The following KCNH3 variants were observed in gnomAD, a reference collection of about 807,000 sequenced individuals.
The protein encoded by KCNH3 is voltage-gated inwardly rectifying potassium channel KCNH3.
KCNH3 carries 36 observed loss-of-function variants against 95.6 expected under a neutral mutation model. The observed-to-expected ratio is 0.38, with a 90% CI of 0.29 to 0.50. The LOEUF (loss-of-function observed/expected upper bound fraction) is 0.50. Ranked by LOEUF, KCNH3 falls within the 20% of genes least tolerant of loss-of-function variation. The probability of loss-of-function intolerance (pLI) is 0.95; values close to 1 mark genes in which losing one functional copy is unlikely to be tolerated. For missense variants in KCNH3, 1,030 were observed against 1,484.1 expected (o/e 0.69, Z 5.03); for synonymous variants, 620 against 646.3 (o/e 0.96, Z 0.62).
At chr12:49,545,803 T>C (rs893094361) in intron 7 of KCNH3, among the ~76,000 whole-genome samples, 1 of 151,936 alleles carries the variant, frequency 6.6e-6, no homozygotes, top group Non-Finnish European at 1.5e-5. Flanking sequence ...GTGAATCCTC[T>C]CTCCCTCTGC....
At position 49,543,497 on chromosome 12, in the gene KCNH3, G is replaced by A; in HGVS notation, c.802G>A (p.Val268Met). The A allele has an allele frequency of 1.3e-6, 2 of 1,598,448 alleles. No homozygotes were observed. Among genetic ancestry groups the A allele is most frequent in the Non-Finnish European group, 1.7e-6 (2 of 1,178,264 alleles). Residue 268 changes from valine (V) to methionine (M), a missense_variant, in exon 5 of 15, where the codon GTG becomes ATG. Coordinates refer to ENST00000257981, the MANE Select transcript of KCNH3 (RefSeq NM_012284.3). ...CCCGCCCAGCGTCTGTGACCTGGCC[G>A]TGGAGGTCCTCTTCATCCTTGGTGC... ...RGPPSVCDLA[V>M]EVLFILDIVL...
intron 10 of KCNH3, among the ~76,000 whole-genome samples, chr12:49,550,717 C>T (rs1938230144): frequency 6.6e-6 from 1 of 152,080 alleles, no homozygotes; most frequent in Admixed American, 6.5e-5. Flanking sequence ...TTGTGGTCCC[C>T]CAGGAACAGT....
In KCNH3 at chr12:49,542,721, G is replaced by C. The variant is rs1016691255; in HGVS notation, c.461G>C (p.Arg154Pro). ...TCTTTCGCAGGTGGTGGCCGGCGCC[G>C]ATATGGCCGGGCACGATCCAAAGGC... ...RWKETGGGRRRYGRARSKGFN... is the reference protein window; with the variant it reads ...RWKETGGGRRPYGRARSKGFN... Residue 154 changes from arginine (R) to proline (P), a missense_variant, in exon 4 of 15, where the codon CGA becomes CCA. Arg to Pro is a moderately radical substitution (Grantham distance 103). Transcript: ENST00000257981. The C allele has an allele frequency of 6.3e-7, 1 of 1,581,318 alleles. No individual in the cohort carries two copies. Among genetic ancestry groups the C allele is most frequent in the African/African-American group, 1.3e-5 (1 of 74,454 alleles).
intron 10 of KCNH3, among the ~76,000 whole-genome samples, chr12:49,551,788 T>C (rs753942961): frequency 6.6e-6 from 1 of 151,152 alleles, no homozygotes; most frequent in African/African-American, 2.4e-5. Context: ...CTGTGGGGAC[T>C]GCTGAAGCCC....
In KCNH3 at chr12:49,557,342, C is replaced by G; in HGVS notation, c.2653-12C>G. 6.2e-7 allele frequency: 1 copy of G among 1,609,990 alleles called. No homozygotes were observed. Among genetic ancestry groups the G allele is most frequent in the Non-Finnish European group, 8.5e-7 (1 of 1,177,140 alleles). ...GACTCCATTCTGACCTCGCCTCCTC[C>G]CTCCCCCAAAGGTGACAGAGCTGTC... On this transcript the variant is annotated splice_polypyrimidine_tract_variant and intron_variant, in intron 14 of 14. Coordinates refer to ENST00000257981, the MANE Select transcript of KCNH3 (RefSeq NM_012284.3).
At position 49,539,629 on chromosome 12, in the gene KCNH3, T is replaced by C; in HGVS notation, c.76+137T>C. 1 of 721,080 alleles carries C rather than the reference T, an allele frequency of 1.4e-6. No homozygotes were observed. 44.7% of individuals were successfully genotyped at this position (721,080 alleles called of 1,614,324 possible). ...CCTCCCTACCCGCCCCTCTTGAGGCTGGGGCCATCGTCTCCTGCTAGGCGC... is the reference window on the plus strand; with the variant it reads ...CCTCCCTACCCGCCCCTCTTGAGGCCGGGGCCATCGTCTCCTGCTAGGCGC... On this transcript the variant is annotated intron_variant, in intron 1 of 14. Transcript: ENST00000257981. The surrounding 1 kb of genome is among the most constrained non-coding windows in gnomAD (Gnocchi z 6.7).
In KCNH3 at chr12:49,549,645, G is replaced by A; in HGVS notation, c.1668+5G>A. 6.2e-7 allele frequency: 1 copy of A among 1,605,454 alleles called. No homozygotes were observed. The highest frequency in any genetic ancestry group is 8.5e-7 in the Non-Finnish European group (1 of 1,179,166). On this transcript the variant is annotated splice_donor_5th_base_variant and intron_variant, in intron 9 of 14. Transcript: ENST00000257981. ...AATGGCATCGACACCACCGAGGTGC[G>A]GCCTCCGGGGCTGGGCCTGCTAGCC...
At position 49,542,668 on chromosome 12, in the gene KCNH3, C is replaced by T. The variant is rs901858751; in HGVS notation, c.446-38C>T. The stretch of plus-strand genomic sequence containing the variant: ...GACCCGGAGCTAGGGTGTGTGGGCA[C>T]ACACCCATCATCTTCATGGGCCCCT... On this transcript the variant is annotated intron_variant, in intron 3 of 14. Transcript: ENST00000257981. The T allele has an allele frequency of 7.1e-6, 11 of 1,541,786 alleles. No individual in the cohort carries two copies. The Admixed American group carries it at 2.0e-4, about 28-fold the overall frequency.
intron 12 of KCNH3, 76 bp downstream of exon 12, chr12:49,556,027 A>G: frequency 1.4e-6 from 1 of 725,592 alleles, no homozygotes; most frequent in Non-Finnish European, 2.3e-6. Context: ...ACCCTGCCCT[A>G]GGTGCCCATC....
chr12:49,550,854 C>T (rs1315962943), intron 10 of KCNH3, among the ~76,000 whole-genome samples: 1 of 152,170 alleles, frequency 6.6e-6, no homozygotes, highest in African/African-American at 2.4e-5. Context: ...ATATACTTCC[C>T]TTCCTGGGAA....
At chr12:49,549,257 G>C in intron 8 of KCNH3, 84 bp downstream of exon 8, 1 of 1,494,720 alleles carries the variant, frequency 6.7e-7, no homozygotes, top group Non-Finnish European at 9.0e-7. Flanking sequence ...CGGAGGGCCT[G>C]AGGCCGGGGG....
At chr12:49,551,473 G>A (rs1296330520) in intron 10 of KCNH3, among the ~76,000 whole-genome samples, 1 of 151,300 alleles carries the variant, frequency 6.6e-6, no homozygotes, top group Non-Finnish European at 1.5e-5. Flanking sequence ...CTACTTGGGA[G>A]GCTGAGGCAG....
intron 7 of KCNH3, 64 bp downstream of exon 7, chr12:49,544,446 C>T (rs1228497961): frequency 4.9e-5 from 74 of 1,517,606 alleles, no homozygotes; most frequent in Non-Finnish European, 6.2e-5. Flanking sequence ...TGAGTGCCAG[C>T]GTGGGTGCAG....
At position 49,544,390 on chromosome 12, in the gene KCNH3, A is replaced by G; in HGVS notation, c.1189+8A>G. The G allele has an allele frequency of 4.3e-6, 7 of 1,612,088 alleles. No individual in the cohort carries two copies. Among genetic ancestry groups the G allele is most frequent in the Non-Finnish European group, 5.1e-6 (6 of 1,179,802 alleles). Reference sequence around the variant, plus strand: ...CCGAGCTGCCTGAGATTGGTACTGGAGGCTCCCTCTGCATGTGGTGGGGAG... The same window carrying G: ...CCGAGCTGCCTGAGATTGGTACTGGGGGCTCCCTCTGCATGTGGTGGGGAG... On this transcript the variant is annotated splice_region_variant and intron_variant, in intron 7 of 14. Coordinates refer to ENST00000257981, the MANE Select transcript of KCNH3 (RefSeq NM_012284.3).
In KCNH3 at chr12:49,554,515, G is replaced by T; in HGVS notation, c.2097G>T (p.Glu699Asp). 1 of 1,613,552 alleles carries T rather than the reference G, an allele frequency of 6.2e-7. No individual in the cohort carries two copies. Among genetic ancestry groups the T allele is most frequent in the Non-Finnish European group, 8.5e-7 (1 of 1,179,828 alleles). The change falls in exon 11 of 15, where the codon GAG becomes GAT. Residue 699 changes from glutamate (E) to aspartate (D), a missense_variant. Physicochemically the swap from Glu to Asp is conservative, Grantham distance 45 (BLOSUM62 2). Transcript: ENST00000257981. ...APRFSRGLRGELSYNLGAGGG... is the reference protein window; with the variant it reads ...APRFSRGLRGDLSYNLGAGGG... ...GCTTCAGTCGTGGCCTCCGAGGGGA[G>T]CTCAGCTACAACCTGGGTGCTGGGG... is the stretch of plus-strand genomic sequence containing the variant.
At chr12:49,542,655 G>A in intron 3 of KCNH3, 51 bp from the exon 4 acceptor site, 1 of 1,525,936 alleles carries the variant, frequency 6.6e-7, no homozygotes, top group Non-Finnish European at 8.8e-7. Context: ...CCCGGAGCTA[G>A]GGTGTGTGGG....
At chr12:49,551,950 GA>G (rs1268744536) in intron 10 of KCNH3, among the ~76,000 whole-genome samples, 2 of 152,150 alleles carry the variant, frequency 1.3e-5, no homozygotes, top group Non-Finnish European at 2.9e-5. Context: ...GAAACAAGAG[GA>G]AAAAAATGCC....
In KCNH3 at chr12:49,542,107, T is replaced by G. The variant is rs1412145071; in HGVS notation, c.445+343T>G. ...TCCTCTTTCCTACAGCAAACCTGAC[T>G]GGGGGTGGAGCTCTGGGCAAAGCCT... On this transcript the variant is annotated intron_variant, in intron 3 of 14. Transcript: ENST00000257981. Among the ~76,000 whole-genome samples the G allele has an allele frequency of 5.3e-5, 8 of 152,306 alleles. No individual in the cohort carries two copies. The East Asian group carries it at 1.2e-3, about 22-fold the overall frequency.
At chr12:49,556,186 C>G in intron 12 of KCNH3, 184 bp from the exon 13 acceptor site, 1 of 611,168 alleles carries the variant, frequency 1.6e-6, no homozygotes, top group Non-Finnish European at 2.9e-6. Context: ...GCTGCTCAAG[C>G]TTGGCCCCCC....
Sources: gnomAD v4.1 joint callset for allele counts (sites outside exome capture counted in the v4.1 genomes callset) on GRCh38, gnomAD v4.1.1 for gene constraint, Gnocchi (gnomAD v3.1) non-coding constraint, MANE v1.5 for transcripts, NCBI Gene and HGNC (gene_info 2026-07-23, HGNC 2026-07-21) for gene names.